Variants in ADAMTS18 observed in about 807,000 individuals in gnomAD.
ADAMTS18 encodes the protein A disintegrin and metalloproteinase with thrombospondin motifs 18.
Under a neutral mutation model 165.9 loss-of-function variants are expected in ADAMTS18, and 157 were observed. The ratio of observed to expected loss-of-function variants is 0.95; its 90% CI spans 0.83 to 1.08. ADAMTS18 has a LOEUF of 1.08. Ranked by LOEUF, ADAMTS18 falls within the 50% of genes least tolerant of loss-of-function variation. The probability of loss-of-function intolerance (pLI) is 0.00; values close to 1 mark genes in which losing one functional copy is unlikely to be tolerated. For synonymous variants in ADAMTS18, 782 were observed against 578.2 expected (o/e 1.35, Z -5.06); for missense variants, 2,040 against 1,534.0 (o/e 1.33, Z -5.51).
At chr16:77,414,601 C>T (rs1186551648) in intron 3 of ADAMTS18, among the ~76,000 whole-genome samples, 1 of 152,020 alleles carries the variant, frequency 6.6e-6, no homozygotes, top group Non-Finnish European at 1.5e-5. Context: ...CAGCGCTAGC[C>T]TGAAGCAAAG....
At chr16:77,360,763 G>C (rs1225281021) in intron 7 of ADAMTS18, among the ~76,000 whole-genome samples, 3 of 152,146 alleles carry the variant, frequency 2.0e-5, no homozygotes, top group Non-Finnish European at 4.4e-5. Context: ...ACATAACAGA[G>C]AAACTGCAGA....
intron 3 of ADAMTS18, among the ~76,000 whole-genome samples, chr16:77,424,468 C>CAA (rs4038057): frequency 0.037 from 4,007 of 107,676 alleles, 84 homozygotes; most frequent in Non-Finnish European, 0.056. Flanking sequence ...AACTCCATCT[C>CAA]AAAAAAAAAA....
chr16:77,405,332 G>T (rs369894541), intron 3 of ADAMTS18, among the ~76,000 whole-genome samples: 2 of 152,172 alleles, frequency 1.3e-5, no homozygotes, highest in South Asian at 2.1e-4. Context: ...CCACTTGGGA[G>T]AACAGCTTGC....
In ADAMTS18 at chr16:77,321,060, A is replaced by G. The variant is rs773304559; in HGVS notation, c.2287+19T>C. Reference sequence around the variant, plus strand: ...AAAGTTGTATCTCATTAACAATAACAAACAGCAGCATCTCTCACCATTTGC... The same window carrying G: ...AAAGTTGTATCTCATTAACAATAACGAACAGCAGCATCTCTCACCATTTGC... On this transcript the variant is annotated intron_variant, in intron 15 of 22. Transcript: ENST00000282849. 4.3e-6 allele frequency: 7 copies of G among 1,614,186 alleles called. No homozygotes were observed. The highest frequency in any genetic ancestry group is 5.9e-6 in the Non-Finnish European group (7 of 1,180,004).
chr16:77,392,203 G>C (rs1384411583), intron 3 of ADAMTS18, among the ~76,000 whole-genome samples: 1 of 152,160 alleles, frequency 6.6e-6, no homozygotes, highest in Non-Finnish European at 1.5e-5. Flanking sequence ...CTCCTGTTCA[G>C]CTCGGAGTAA....
chr16:77,303,420 A>G (rs1390565482), intron 16 of ADAMTS18, among the ~76,000 whole-genome samples: 2 of 152,224 alleles, frequency 1.3e-5, no homozygotes, highest in Non-Finnish European at 2.9e-5. Context: ...AAGGCTGCTC[A>G]TAGGGAATAC....
intron 3 of ADAMTS18, among the ~76,000 whole-genome samples, chr16:77,382,505 T>G (rs945751364): frequency 5.3e-5 from 8 of 152,308 alleles, no homozygotes; most frequent in South Asian, 4.1e-4. Flanking sequence ...CCACCGTGCC[T>G]GGCCCCTAAC....
At chr16:77,414,818 A>C (rs775913690) in intron 3 of ADAMTS18, among the ~76,000 whole-genome samples, 2 of 152,224 alleles carry the variant, frequency 1.3e-5, no homozygotes, top group Non-Finnish European at 2.9e-5. Context: ...GGTTTACATC[A>C]TTACCCCACA....
chr16:77,356,985 ATT>A lies in ADAMTS18; in HGVS notation c.1323-910_1323-909del, dbSNP rs4038549. On this transcript the variant is annotated intron_variant, in intron 8 of 22. Coordinates refer to ENST00000282849, the MANE Select transcript of ADAMTS18 (RefSeq NM_199355.4). ...AGCACAGAGAAAAGTCTTTTCTGAA[ATT>A]TTTTTTTTTTTTTTTTTTTTTAGGG... Among the ~76,000 whole-genome samples the A allele has an allele frequency of 2.1e-3, 297 of 140,526 alleles. 3 individuals are homozygous for A. Among genetic ancestry groups the A allele is most frequent in the African/African-American group, 7.0e-3 (271 of 38,590 alleles). 92.2% of individuals were successfully genotyped at this position (140,526 alleles called of 152,430 possible).
At chr16:77,364,042 C>T (rs913634392) in intron 5 of ADAMTS18, 146 bp downstream of exon 5, 1 of 1,276,762 alleles carries the variant, frequency 7.8e-7, no homozygotes. Flanking sequence ...AAAAATAAAA[C>T]CACATATGTA....
chr16:77,394,236 G>C (rs1412492447), intron 3 of ADAMTS18, among the ~76,000 whole-genome samples: 1 of 152,180 alleles, frequency 6.6e-6, no homozygotes, highest in Non-Finnish European at 1.5e-5. Flanking sequence ...AAGTGTGTTT[G>C]TTTATGGACT....
intron 22 of ADAMTS18, among the ~76,000 whole-genome samples, chr16:77,286,334 A>G (rs1455299190): frequency 6.6e-6 from 1 of 151,946 alleles, no homozygotes; most frequent in Non-Finnish European, 1.5e-5. Flanking sequence ...ACTTTCTGAC[A>G]CTGTGTGCTA....
chr16:77,388,833 CAGGAGTAGT>C (rs1241611533), intron 3 of ADAMTS18, among the ~76,000 whole-genome samples: 1 of 152,140 alleles, frequency 6.6e-6, no homozygotes, highest in East Asian at 1.9e-4. Context: ...TTCCTGGTAC[CAGGAGTAGT>C]ATCTCATGCC....
Position 77,300,279 on chromosome 16 carries a change from G to A in ADAMTS18, c.2658C>T (p.Ser886=), listed in dbSNP as rs372498696. 148 of 1,613,960 alleles carry A rather than the reference G, an allele frequency of 9.2e-5. 3 individuals carry two copies. The South Asian group carries it at 1.1e-3, about 12-fold the overall frequency. ...YTWSIVQSEC[S]VSCGGGYINV... Reference sequence around the variant, plus strand: ...ATCATCTACCTCCACCACAGGAGACGGAGCACTCTGACTGCACGATACTCC... The same window carrying A: ...ATCATCTACCTCCACCACAGGAGACAGAGCACTCTGACTGCACGATACTCC... Residue 886 remains serine (S), a synonymous_variant, in exon 17 of 23, where the codon TCC becomes TCT. Coordinates refer to ENST00000282849, the MANE Select transcript of ADAMTS18 (RefSeq NM_199355.4).
rs2055319189 is a variant in ADAMTS18, at chr16:77,289,370, G to A, written c.3444C>T (p.Val1148=). The change falls in exon 22 of 23, where the codon GTC becomes GTT. Residue 1148 remains valine (V), a synonymous_variant. Coordinates refer to ENST00000282849, the MANE Select transcript of ADAMTS18 (RefSeq NM_199355.4). ...TCGGGVQTRS[V]HCVQQGRPSS... ...AAGGCCGGCCTTGCTGAACACAGTG[G>A]ACTGACCGGGTCTGGACCCCTCCCC... is the stretch of plus-strand genomic sequence containing the variant. The A allele has an allele frequency of 1.2e-6, 2 of 1,613,998 alleles. No homozygotes were observed. The highest frequency in any genetic ancestry group is 1.7e-6 in the Non-Finnish European group (2 of 1,180,018).
intron 10 of ADAMTS18, among the ~76,000 whole-genome samples, chr16:77,350,499 A>C (rs969256041): frequency 1.3e-5 from 2 of 152,176 alleles, no homozygotes; most frequent in African/African-American, 4.8e-5. Flanking sequence ...TGGAGGAACT[A>C]TTGTAATCTT....
At chr16:77,289,203 T>C in intron 22 of ADAMTS18, 61 bp downstream of exon 22, 2 of 1,595,034 alleles carry the variant, frequency 1.3e-6, no homozygotes, top group Non-Finnish European at 1.7e-6. Context: ...ACTAACAAAG[T>C]AGCCTTTGAA....
rs1158961636 is a variant in ADAMTS18, at chr16:77,308,591, A to C, written c.2533-8187T>G. 2.6e-5 allele frequency among the ~76,000 whole-genome samples: 4 copies of C among 152,250 alleles called. No individual in the cohort carries two copies. The East Asian group carries it at 7.7e-4, about 29-fold the overall frequency. ...TTAGCTAATCATGAAAAAAAAAAAA[A>C]AAAACTTGTGTACATTTTAATCCTT... On this transcript the variant is annotated intron_variant, in intron 16 of 22. Transcript: ENST00000282849.
At chr16:77,423,794 C>G (rs2057635000) in intron 3 of ADAMTS18, among the ~76,000 whole-genome samples, 1 of 152,148 alleles carries the variant, frequency 6.6e-6, no homozygotes. Context: ...CACAAGATCT[C>G]CAAACATTCC....
Sources: allele counts gnomAD v4.1 joint callset (sites outside exome capture counted in the v4.1 genomes callset), GRCh38; gene constraint gnomAD v4.1.1; transcripts MANE v1.5; gene names NCBI Gene and HGNC (gene_info 2026-07-23, HGNC 2026-07-21).